FGD6: variants seen among roughly 807,000 people sequenced by gnomAD.
The protein encoded by FGD6 is FYVE, RhoGEF and PH domain-containing protein 6.
FGD6 carries 90 observed loss-of-function variants against 149.4 expected under a neutral mutation model. The observed-to-expected ratio is 0.60, with a 90% CI of 0.51 to 0.72. The LOEUF (loss-of-function observed/expected upper bound fraction) is 0.72. FGD6 is among the 30% of genes least tolerant of loss of function. The pLI is 0.00. For missense variants in FGD6, 1,437 were observed against 1,684.8 expected (o/e 0.85, Z 2.57); for synonymous variants, 527 against 584.0 (o/e 0.90, Z 1.41).
intron 18 of FGD6, among the ~76,000 whole-genome samples, chr12:95,086,705 A>ATT (rs893633099): frequency 7.3e-6 from 1 of 136,688 alleles, no homozygotes. Context: ...ACGTCCGGCT[A>ATT]TTTTTTTTTT....
chr12:95,083,493 C>A (rs1877763590), intron 20 of FGD6, among the ~76,000 whole-genome samples: 1 of 151,286 alleles, frequency 6.6e-6, no homozygotes, highest in South Asian at 2.1e-4. Context: ...AATATTAGGG[C>A]AATTACTATT....
At chr12:95,213,336 T>C (rs574052116) in intron 1 of FGD6, among the ~76,000 whole-genome samples, 6 of 152,116 alleles carry the variant, frequency 3.9e-5, no homozygotes, top group Non-Finnish European at 8.8e-5. Context: ...CCCAGCACCT[T>C]GGGAGGGCAA....
At chr12:95,213,389 G>A (rs113784896) in intron 1 of FGD6, among the ~76,000 whole-genome samples, 1,821 of 152,106 alleles carry the variant, frequency 0.012, 44 homozygotes, top group African/African-American at 0.042. Flanking sequence ...GACCAGCCTG[G>A]GCAACACAGT....
At chr12:95,113,340 C>G (rs1335084992) in intron 9 of FGD6, among the ~76,000 whole-genome samples, 1 of 148,882 alleles carries the variant, frequency 6.7e-6, no homozygotes, top group Non-Finnish European at 1.5e-5. Flanking sequence ...TCAAGCAATT[C>G]TCCTGCCTCA....
chr12:95,140,109 A>C (rs1275963531), intron 6 of FGD6, among the ~76,000 whole-genome samples: 1 of 152,196 alleles, frequency 6.6e-6, no homozygotes, highest in Non-Finnish European at 1.5e-5. Context: ...ATATATAAAG[A>C]AAGCTTAGAG....
At chr12:95,101,301 C>G (rs551528950) in intron 14 of FGD6, among the ~76,000 whole-genome samples, 10 of 152,098 alleles carry the variant, frequency 6.6e-5, no homozygotes, top group African/African-American at 2.4e-4. Context: ...GAGCCAAGAT[C>G]GCGTCACTGC....
At chr12:95,091,431 A>C (rs1401054898) in intron 17 of FGD6, among the ~76,000 whole-genome samples, 2 of 152,218 alleles carry the variant, frequency 1.3e-5, no homozygotes, top group Non-Finnish European at 2.9e-5. Context: ...AATTACTTGA[A>C]AGTTAAAGTT....
chr12:95,148,424 A>G (rs1880076674), intron 5 of FGD6, among the ~76,000 whole-genome samples: 2 of 148,490 alleles, frequency 1.3e-5, no homozygotes, highest in Admixed American at 7.0e-5. Flanking sequence ...AGTGAAGCAA[A>G]GATGCTTCAT....
At chr12:95,190,338 T>G (rs1355002171) in intron 2 of FGD6, among the ~76,000 whole-genome samples, 2 of 152,052 alleles carry the variant, frequency 1.3e-5, no homozygotes, top group Non-Finnish European at 2.9e-5. Context: ...CCCGGCTACT[T>G]TTTATATTTT....
intron 8 of FGD6, among the ~76,000 whole-genome samples, chr12:95,121,485 A>ATATATATATATATATATATATATG (rs1879191282): frequency 4.4e-5 from 1 of 22,876 alleles, no homozygotes; most frequent in African/African-American, 1.1e-4. Context: ...ATATATGTAT[A>ATATATATATATATATATATATATG]TATATATATA....
intron 1 of FGD6, among the ~76,000 whole-genome samples, chr12:95,214,144 G>A (rs1367556268): frequency 3.3e-5 from 5 of 152,176 alleles, no homozygotes. Flanking sequence ...AGCTCCAGAA[G>A]GGCAGGCACT....
chr12:95,099,033 C>G (rs1878333164), intron 14 of FGD6, among the ~76,000 whole-genome samples: 1 of 152,092 alleles, frequency 6.6e-6, no homozygotes, highest in Non-Finnish European at 1.5e-5. Context: ...CTATGCCCAG[C>G]TAATTTTTAT....
At chr12:95,110,499 G>C (rs1878783461) in intron 9 of FGD6, among the ~76,000 whole-genome samples, 1 of 152,042 alleles carries the variant, frequency 6.6e-6, no homozygotes, top group African/African-American at 2.4e-5. Context: ...GACATTACAG[G>C]TGCACACCAG....
rs749862879 is a variant in FGD6, at chr12:95,132,021, C to G, written c.3082+2718G>C. 6.3e-4 allele frequency among the ~76,000 whole-genome samples: 95 copies of G among 151,976 alleles called. 1 individual carries two copies. The highest frequency in any genetic ancestry group is 5.1e-4 in the Non-Finnish European group (35 of 67,978). ...TGCCACTGCACTACAGCCTGGGTAA[C>G]AGGCAAGATTTCATCTCATAAATAA... On this transcript the variant is annotated intron_variant, in intron 8 of 20. Transcript: ENST00000343958.
At chr12:95,197,254 CA>C (rs1226505854) in intron 2 of FGD6, among the ~76,000 whole-genome samples, 1 of 151,982 alleles carries the variant, frequency 6.6e-6, no homozygotes, top group Non-Finnish European at 1.5e-5. Flanking sequence ...GCCTGGCCAA[CA>C]TGGTGAACTC....
At position 95,202,130 on chromosome 12, in the gene FGD6, C is replaced by T. The variant is rs953281493; in HGVS notation, c.2441+6713G>A. Among the ~76,000 whole-genome samples, 4 of 152,096 alleles carry T rather than the reference C, an allele frequency of 2.6e-5. No homozygotes were observed. The South Asian group carries it at 6.2e-4, about 24-fold the overall frequency. ...ATGGGCTGGCCGCGGTGAGTCATGC[C>T]TGTAATCCCAACACTTTGGGAGGCC... On this transcript the variant is annotated intron_variant, in intron 2 of 20. Coordinates refer to ENST00000343958, the MANE Select transcript of FGD6 (RefSeq NM_018351.4).
At chr12:95,130,964 A>G (rs1879502208) in intron 8 of FGD6, among the ~76,000 whole-genome samples, 2 of 152,204 alleles carry the variant, frequency 1.3e-5, no homozygotes, top group African/African-American at 2.4e-5. Flanking sequence ...TTATAGGAAC[A>G]TAGGTGCTTC....
At chr12:95,177,802 A>C (rs1435166183) in intron 2 of FGD6, among the ~76,000 whole-genome samples, 3 of 152,154 alleles carry the variant, frequency 2.0e-5, no homozygotes, top group Non-Finnish European at 4.4e-5. Context: ...AATTATTTCT[A>C]TTTTGTTTTA....
chr12:95,126,220 C>T, intron 8 of FGD6: 1 of 1,216,600 alleles, frequency 8.2e-7, no homozygotes, highest in East Asian at 2.4e-5. Context: ...GCAGCTGCTG[C>T]TAAATTTCCA....
Sources: gnomAD v4.1 joint callset for allele counts (sites outside exome capture counted in the v4.1 genomes callset) on GRCh38, gnomAD v4.1.1 for gene constraint, MANE v1.5 for transcripts, NCBI Gene and HGNC (gene_info 2026-07-23, HGNC 2026-07-21) for gene names.